The following ALDH1L2 variants were observed in gnomAD, a reference collection of about 807,000 sequenced individuals.
ALDH1L2 encodes aldehyde dehydrogenase 1 family member L2, also known as mitochondrial 10-formyltetrahydrofolate dehydrogenase.
ALDH1L2 carries 91 observed loss-of-function variants against 111.0 expected under a neutral mutation model. The observed-to-expected ratio is 0.82, with a 90% CI of 0.69 to 0.98. The LOEUF (loss-of-function observed/expected upper bound fraction) is 0.98. ALDH1L2 is among the 50% of genes least tolerant of loss of function. The pLI is 0.00. For missense variants in ALDH1L2, 995 were observed against 1,126.8 expected (o/e 0.88, Z 1.67); for synonymous variants, 374 against 392.6 (o/e 0.95, Z 0.56).
intron 18 of ALDH1L2, among the ~76,000 whole-genome samples, chr12:105,034,619 G>A (rs1874881864): frequency 6.6e-6 from 1 of 151,948 alleles, no homozygotes; most frequent in African/African-American, 2.4e-5. Context: ...CCCCCTTTTG[G>A]TCCCTGAGCA....
At chr12:105,055,632 C>T (rs1876573072) in intron 10 of ALDH1L2, among the ~76,000 whole-genome samples, 1 of 151,986 alleles carries the variant, frequency 6.6e-6, no homozygotes, top group Admixed American at 6.6e-5. Flanking sequence ...GAAAGATTTT[C>T]AATAAGCTTT....
rs60428231 is a variant in ALDH1L2 at position 105,070,635 on chromosome 12, C to CT, written c.362dup (p.His122AlafsTer29). On this transcript the variant is annotated frameshift_variant, in exon 3 of 23. Transcript: ENST00000258494. LOFTEE classifies it high-confidence loss of function. ...ATGGGTGATAAATGATAGAGCCGTGCTTTGGACTATCAATTATATCCATGG... is the reference window on the plus strand; with the variant it reads ...ATGGGTGATAAATGATAGAGCCGTGCTTTTGGACTATCAATTATATCCATGG... 58 of 1,613,998 alleles carry CT rather than the reference C, an allele frequency of 3.6e-5. No homozygotes were observed. The highest frequency in any genetic ancestry group is 4.9e-5 in the Non-Finnish European group (58 of 1,180,022).
At chr12:105,052,318 TA>T (rs1019885586) in intron 11 of ALDH1L2, 101 bp from the exon 12 acceptor site, 70 of 867,766 alleles carry the variant, frequency 8.1e-5, no homozygotes, top group Middle Eastern at 3.4e-4. Context: ...TTACTGATTT[TA>T]AAAAAAGTTA....
intron 4 of ALDH1L2, among the ~76,000 whole-genome samples, chr12:105,067,232 A>G (rs1164976591): frequency 5.4e-5 from 8 of 149,362 alleles, no homozygotes; most frequent in South Asian, 2.1e-4. Flanking sequence ...AAAAAAAAAA[A>G]AAAGAAAAGA....
intron 11 of ALDH1L2, among the ~76,000 whole-genome samples, 190 bp downstream of exon 11, chr12:105,052,622 G>A (rs1876357861): frequency 6.6e-6 from 1 of 152,166 alleles, no homozygotes; most frequent in African/African-American, 2.4e-5. Flanking sequence ...TATAAAATAG[G>A]TTACTACAGT....
chr12:105,030,283 T>C (rs371336506), intron 21 of ALDH1L2, 41 bp downstream of exon 21: 7 of 1,529,038 alleles, frequency 4.6e-6, no homozygotes, highest in African/African-American at 4.1e-5. Context: ...AAATGACTTA[T>C]CTAGTCAAAA....
intron 16 of ALDH1L2, 61 bp from the exon 17 acceptor site, chr12:105,039,867 A>G: frequency 1.4e-6 from 2 of 1,480,432 alleles, no homozygotes; most frequent in South Asian, 2.3e-5. Flanking sequence ...GCGGTGGCTT[A>G]CGCCTGTAAT....
chr12:105,050,091 A>G (rs1217414530), intron 12 of ALDH1L2, 33 bp from the exon 13 acceptor site: 1 of 1,539,904 alleles, frequency 6.5e-7, no homozygotes, highest in Non-Finnish European at 8.8e-7. Context: ...AAATTCAACA[A>G]GTATTGATTG....
chr12:105,026,187 A>G (rs777928265), intron 22 of ALDH1L2, among the ~76,000 whole-genome samples: 1 of 152,042 alleles, frequency 6.6e-6, no homozygotes, highest in Non-Finnish European at 1.5e-5. Context: ...CTCTCCACCC[A>G]TTTGCCTCTC....
intron 20 of ALDH1L2, among the ~76,000 whole-genome samples, chr12:105,031,123 T>G (rs1874675024): frequency 6.6e-6 from 1 of 152,232 alleles, no homozygotes; most frequent in African/African-American, 2.4e-5. Flanking sequence ...TATTTCTTCT[T>G]TTTCCCAGTG....
At chr12:105,066,247 T>G (rs746282243) in intron 5 of ALDH1L2, among the ~76,000 whole-genome samples, 28 of 152,226 alleles carry the variant, frequency 1.8e-4, no homozygotes, top group Admixed American at 5.2e-4. Flanking sequence ...CTGGGCATTT[T>G]TTATTTGCTT....
At chr12:105,064,114 C>G (rs1319860141) in intron 6 of ALDH1L2, among the ~76,000 whole-genome samples, 1 of 35,082 alleles carries the variant, frequency 2.9e-5, no homozygotes, top group Non-Finnish European at 5.4e-5. Flanking sequence ...CCACACCGAG[C>G]TTTTTTTTTT....
At position 105,040,759 on chromosome 12, in the gene ALDH1L2, G is replaced by A. The variant is rs538027172; in HGVS notation, c.1864-65C>T. On this transcript the variant is annotated intron_variant, in intron 15 of 22. Coordinates refer to ENST00000258494, the MANE Select transcript of ALDH1L2 (RefSeq NM_001034173.4). ...AACCTGACCTTTAGCCCAGAACCCA[G>A]TTTTCCCTTGATAGCTGCACTAGAT... 819 of 1,322,708 alleles carry A rather than the reference G, an allele frequency of 6.2e-4. 19 individuals are homozygous for A. In the South Asian group the frequency reaches 9.4e-3, roughly 15 times the overall value. The allele number at this position is 1,322,708 out of a possible 1,614,324, so 81.9% of individuals were successfully genotyped here. A position where few individuals can be genotyped will look rare whatever the true frequency, so the allele number is the denominator to read the frequency against.
At chr12:105,073,088 CAAG>C (rs1253771270) in intron 2 of ALDH1L2, among the ~76,000 whole-genome samples, 13 of 152,232 alleles carry the variant, frequency 8.5e-5, no homozygotes, top group African/African-American at 2.4e-4. Context: ...AATATTCTAA[CAAG>C]AATACTCAAC....
intron 18 of ALDH1L2, among the ~76,000 whole-genome samples, chr12:105,035,166 G>A (rs2136052219): frequency 6.6e-6 from 1 of 152,094 alleles, no homozygotes; most frequent in South Asian, 2.1e-4. Flanking sequence ...ATGTTGCCCA[G>A]GCTGGACTCA....
Position 105,020,712 on chromosome 12 carries a change from C to T in ALDH1L2, c.*3712G>A, listed in dbSNP as rs1167438040. 6.6e-6 allele frequency: 1 copy of T among 152,204 alleles called. No homozygotes were observed. Among genetic ancestry groups the T allele is most frequent in the Non-Finnish European group, 1.5e-5 (1 of 68,048 alleles). The allele number at this position is 152,204 out of a possible 1,614,324, so 9.4% of individuals were successfully genotyped here. A position where few individuals can be genotyped will look rare whatever the true frequency, so the allele number is the denominator to read the frequency against. ...AAGCATAGTCAGGGAATGTGTCTCT[C>T]ATCAGATGATATTTGAGGAGAGACC... On this transcript the variant is annotated 3_prime_UTR_variant, in exon 23 of 23. Coordinates refer to ENST00000258494, the MANE Select transcript of ALDH1L2 (RefSeq NM_001034173.4).
rs748145682 is a variant in ALDH1L2 at position 105,052,265 on chromosome 12, T to C, written c.1408-48A>G. ...AGGCCCCATGAGAGATATGAAAATA[T>C]GGTTCTTGGAATTAATATTGTATTA... is the stretch of plus-strand genomic sequence containing the variant. On this transcript the variant is annotated intron_variant, in intron 11 of 22. Coordinates refer to ENST00000258494, the MANE Select transcript of ALDH1L2 (RefSeq NM_001034173.4). The C allele has an allele frequency of 8.7e-6, 13 of 1,499,780 alleles. No individual in the cohort carries two copies. The East Asian group carries it at 3.1e-4, about 36-fold the overall frequency. 92.9% of individuals were successfully genotyped at this position (1,499,780 alleles called of 1,614,324 possible).
intron 15 of ALDH1L2, among the ~76,000 whole-genome samples, chr12:105,046,471 C>T (rs1279279843): frequency 6.6e-6 from 1 of 151,598 alleles, no homozygotes. Flanking sequence ...TTGGACTTCA[C>T]TGATGTGCAC....
intron 19 of ALDH1L2, 66 bp downstream of exon 19, chr12:105,034,234 A>C (rs1055263998): frequency 7.0e-7 from 1 of 1,431,830 alleles, no homozygotes; most frequent in Non-Finnish European, 9.8e-7. Context: ...ACAATCCTAG[A>C]AGTAGGATTT....
Sources: allele counts gnomAD v4.1 joint callset (sites outside exome capture counted in the v4.1 genomes callset), GRCh38; gene constraint gnomAD v4.1.1; transcripts MANE v1.5; gene names NCBI Gene and HGNC (gene_info 2026-07-23, HGNC 2026-07-21).